The following TENM2 variants were observed in gnomAD, a reference collection of about 807,000 sequenced individuals.
The protein encoded by TENM2 is teneurin-2.
A neutral mutation model predicts 245.2 loss-of-function variants in TENM2; 52 were observed. That is an observed-to-expected ratio of 0.21 (90% CI 0.17 to 0.27). TENM2 has a LOEUF of 0.27. TENM2 is among the 10% of genes least tolerant of loss of function. The pLI, the probability that TENM2 is intolerant of heterozygous loss-of-function variation, is 1.00. For missense variants in TENM2, 3,046 were observed against 3,666.8 expected, an observed-to-expected ratio of 0.83 and a Z score of 4.37; for synonymous variants, 1,363 against 1,438.9, an observed-to-expected ratio of 0.95 and a Z score of 1.19.
chr5:167,399,006 A>G (rs940297832), intron 2 of TENM2, among the ~76,000 whole-genome samples: 3 of 152,124 alleles, frequency 2.0e-5, no homozygotes, highest in African/African-American at 7.2e-5. Context: ...CCTTGGGCAG[A>G]TATGTAAATC....
intron 2 of TENM2, among the ~76,000 whole-genome samples, chr5:167,741,657 A>G (rs556078130): frequency 7.2e-5 from 11 of 152,264 alleles, no homozygotes; most frequent in African/African-American, 2.6e-4. Context: ...CATATTGAAA[A>G]ATCATTGTTA....
In TENM2 at chr5:168,216,071, T is replaced by G. The variant is rs552184698; in HGVS notation, c.4079-697T>G. Among the ~76,000 whole-genome samples, 461 of 152,376 alleles carry G rather than the reference T, an allele frequency of 3.0e-3. 3 individuals are homozygous for G. The highest frequency in any genetic ancestry group is 0.011 in the African/African-American group (444 of 41,594). ...TACTTAACATTAAGGAGCAGTCATC[T>G]GAGAGTCCAATTCCTGTTAGCATTT... On this transcript the variant is annotated intron_variant, in intron 21 of 28. Coordinates refer to ENST00000518659, the Ensembl canonical transcript of TENM2.
chr5:167,353,019 C>A (rs188812070), intron 1 of TENM2, among the ~76,000 whole-genome samples: 2 of 152,182 alleles, frequency 1.3e-5, no homozygotes, highest in African/African-American at 4.8e-5. Flanking sequence ...CTCAAAGCGG[C>A]GCATAACGAC....
At chr5:168,211,307 T>A (rs953484479) in intron 19 of TENM2, among the ~76,000 whole-genome samples, 2 of 152,226 alleles carry the variant, frequency 1.3e-5, no homozygotes, top group African/African-American at 2.4e-5. Context: ...AGAGGGGACA[T>A]TGCAAGTGAG....
intron 2 of TENM2, among the ~76,000 whole-genome samples, chr5:167,870,571 G>A (rs2112310): frequency 0.11 from 14,084 of 124,074 alleles, 815 homozygotes; most frequent in African/African-American, 0.19. Flanking sequence ...ATATATATAT[G>A]TGTGTGTATA....
At chr5:167,500,677 A>T (rs112900719) in intron 2 of TENM2, among the ~76,000 whole-genome samples, 1 of 152,194 alleles carries the variant, frequency 6.6e-6, no homozygotes, top group African/African-American at 2.4e-5. Flanking sequence ...TGATGGAATG[A>T]GCTTGCTTTT....
chr5:167,225,814 G>C, the TENM2 span, among the ~76,000 whole-genome samples: 1 of 151,814 alleles, frequency 6.6e-6, no homozygotes, highest in Non-Finnish European at 1.5e-5. Flanking sequence ...TTTGTTTAGA[G>C]ACTTTTTGTG....
chr5:167,077,389 T>C, the TENM2 span, among the ~76,000 whole-genome samples: 14 of 152,314 alleles, frequency 9.2e-5, no homozygotes, highest in African/African-American at 3.4e-4. Flanking sequence ...AAGTCTTCTT[T>C]AATCCTGAAA....
intron 2 of TENM2, among the ~76,000 whole-genome samples, chr5:167,387,917 A>C (rs900958391): frequency 2.0e-5 from 3 of 152,072 alleles, no homozygotes; most frequent in African/African-American, 7.2e-5. Flanking sequence ...GGATTCAGTT[A>C]GCTAGTATTT....
chr5:167,980,327 C>T (rs371173992), intron 4 of TENM2, among the ~76,000 whole-genome samples: 21 of 152,188 alleles, frequency 1.4e-4, no homozygotes, highest in South Asian at 4.2e-4. Flanking sequence ...CAAGATGCTA[C>T]GATGGGAAAG....
At chr5:167,979,905 A>G (rs930968208) in intron 4 of TENM2, among the ~76,000 whole-genome samples, 2 of 152,202 alleles carry the variant, frequency 1.3e-5, no homozygotes, top group African/African-American at 2.4e-5. Context: ...TGAAAAGGAC[A>G]CTACCGGGAA....
chr5:167,386,849 T>C (rs1260619415), intron 2 of TENM2, among the ~76,000 whole-genome samples: 1 of 152,190 alleles, frequency 6.6e-6, no homozygotes, highest in East Asian at 1.9e-4. Flanking sequence ...CTGGCTTCCC[T>C]ATTCTGTCCC....
the TENM2 span, among the ~76,000 whole-genome samples, chr5:167,083,475 AT>A: frequency 3.3e-5 from 5 of 152,140 alleles, no homozygotes; most frequent in African/African-American, 1.2e-4. Context: ...CTTGTTTTAG[AT>A]TTATGTGATT....
chr5:167,406,102 G>A (rs1467846457), intron 2 of TENM2, among the ~76,000 whole-genome samples: 1 of 152,036 alleles, frequency 6.6e-6, no homozygotes, highest in Non-Finnish European at 1.5e-5. Flanking sequence ...GACTAACCAA[G>A]TCTTTAAGTA....
At chr5:168,225,958 C>T in intron 23 of TENM2, 130 bp from the exon 26 acceptor site, 1 of 717,192 alleles carries the variant, frequency 1.4e-6, no homozygotes, top group Admixed American at 2.7e-5. Flanking sequence ...GACGAGGGGC[C>T]TCAGTGAGAT....
At chr5:168,039,781 A>ATG (rs1788022217) in intron 5 of TENM2, among the ~76,000 whole-genome samples, 1 of 152,020 alleles carries the variant, frequency 6.6e-6, no homozygotes, top group South Asian at 2.1e-4. Context: ...CTTTCCAGTG[A>ATG]TGCTGAGAGC....
the TENM2 span, among the ~76,000 whole-genome samples, chr5:167,181,285 T>C: frequency 1.2e-3 from 180 of 152,262 alleles, no homozygotes; most frequent in African/African-American, 4.3e-3. Context: ...AATCTAGCGG[T>C]AATCCTTTAT....
At chr5:167,531,988 A>G (rs1383634843) in intron 2 of TENM2, among the ~76,000 whole-genome samples, 1 of 152,098 alleles carries the variant, frequency 6.6e-6, no homozygotes, top group East Asian at 1.9e-4. Context: ...AATACCATTC[A>G]TTTATTCAGT....
chr5:167,053,807 A>G, the TENM2 span, among the ~76,000 whole-genome samples: 1 of 152,312 alleles, frequency 6.6e-6, no homozygotes, highest in East Asian at 1.9e-4. Context: ...TCATTATTAT[A>G]TAAGGTTGCA....
Sources: gnomAD v4.1 joint callset for allele counts (sites outside exome capture counted in the v4.1 genomes callset) on GRCh38, gnomAD v4.1.1 for gene constraint, MANE v1.5 for transcripts, NCBI Gene and HGNC (gene_info 2026-07-23, HGNC 2026-07-21) for gene names.